The following MACROD2 variants were observed in gnomAD, a reference collection of about 807,000 sequenced individuals.
MACROD2 encodes mono-ADP ribosylhydrolase 2.
Under a neutral mutation model 70.4 loss-of-function variants are expected in MACROD2, and 36 were observed. That is an observed-to-expected ratio of 0.51 (90% CI 0.39 to 0.68). The LOEUF (loss-of-function observed/expected upper bound fraction) is 0.68, where lower values mean the gene tolerates loss of function less well. Among genes scored for constraint, MACROD2 ranks in the 30% least tolerant of loss-of-function variants. MACROD2 has a pLI of 0.00. For missense variants in MACROD2, 496 were observed against 538.4 expected, an observed-to-expected ratio of 0.92 and a Z score of 0.78; for synonymous variants, 172 against 178.8, an observed-to-expected ratio of 0.96 and a Z score of 0.30.
intron 3 of MACROD2, among the ~76,000 whole-genome samples, chr20:14,431,535 A>G (rs1050431163): frequency 9.2e-5 from 14 of 152,198 alleles, no homozygotes; most frequent in African/African-American, 3.1e-4. Context: ...CAGTTTTTAC[A>G]AGTAAAATTA....
intron 5 of MACROD2, among the ~76,000 whole-genome samples, chr20:15,136,762 A>G (rs2076151250): frequency 6.6e-6 from 1 of 152,198 alleles, no homozygotes; most frequent in Non-Finnish European, 1.5e-5. Context: ...AACTACCGTC[A>G]GAATGAACAG....
chr20:14,030,504 G>A (rs1041649954), intron 2 of MACROD2, among the ~76,000 whole-genome samples: 1 of 151,990 alleles, frequency 6.6e-6, no homozygotes, highest in Admixed American at 6.6e-5. Context: ...TGCCTCCCGG[G>A]TTCAAGCGAT....
chr20:14,911,957 A>G (rs1291529489), intron 5 of MACROD2, among the ~76,000 whole-genome samples: 1 of 152,192 alleles, frequency 6.6e-6, no homozygotes, highest in Non-Finnish European at 1.5e-5. Flanking sequence ...TCTAGAGCCC[A>G]TAATCTTGAC....
intron 5 of MACROD2, chr20:14,895,518 G>A (rs1023502017): frequency 2.0e-5 from 3 of 152,114 alleles, no homozygotes; most frequent in African/African-American, 7.2e-5. Context: ...TGTAGGGGTA[G>A]ATGGCTTTTG....
At chr20:15,393,828 C>T (rs1406097878) in intron 6 of MACROD2, among the ~76,000 whole-genome samples, 1 of 152,194 alleles carries the variant, frequency 6.6e-6, no homozygotes, top group Non-Finnish European at 1.5e-5. Context: ...TGCTCTCTCT[C>T]TCTGAGCATT....
In MACROD2 at chr20:14,215,333, T is replaced by TACAC. The variant is rs1208322168; in HGVS notation, c.271+129606_271+129607insCACA. Among the ~76,000 whole-genome samples, 12 of 96,384 alleles carry TACAC rather than the reference T, an allele frequency of 1.2e-4. No individual in the cohort carries two copies. The East Asian group carries it at 1.5e-3, about 12-fold the overall frequency. 63.2% of individuals were successfully genotyped at this position (96,384 alleles called of 152,430 possible). On this transcript the variant is annotated intron_variant, in intron 3 of 17. Transcript: ENST00000684519. ...TCCATCATATATATCTATGCCATCA[T>TACAC]ATATACACACACACACACACACACA...
At chr20:15,838,969 A>G (rs2064143064) in intron 8 of MACROD2, among the ~76,000 whole-genome samples, 1 of 152,158 alleles carries the variant, frequency 6.6e-6, no homozygotes, top group Admixed American at 6.6e-5. Context: ...GTGTATGCAT[A>G]TGTAAACTGT....
intron 5 of MACROD2, among the ~76,000 whole-genome samples, chr20:14,890,181 A>T (rs1177475018): frequency 6.6e-6 from 1 of 152,068 alleles, no homozygotes; most frequent in Non-Finnish European, 1.5e-5. Flanking sequence ...TGGAAGATAT[A>T]TAAGTCAGGA....
At chr20:15,937,391 G>C in intron 11 of MACROD2, 85 bp from the exon 12 acceptor site, 1 of 1,173,676 alleles carries the variant, frequency 8.5e-7, no homozygotes, top group East Asian at 2.4e-5. Context: ...TTGGTGGAGA[G>C]TGGAGGGAGG....
chr20:14,436,007 G>A (rs538225188), intron 3 of MACROD2, among the ~76,000 whole-genome samples: 21 of 152,204 alleles, frequency 1.4e-4, no homozygotes, highest in Non-Finnish European at 2.9e-4. Context: ...ATGCCTGGAT[G>A]AGAAGTCATT....
intron 3 of MACROD2, among the ~76,000 whole-genome samples, chr20:14,183,833 T>G (rs1387155019): frequency 6.6e-6 from 1 of 152,336 alleles, no homozygotes. Context: ...CATATATGTC[T>G]TCTTCTGAAA....
chr20:14,273,085 T>C (rs1265603184), intron 3 of MACROD2, among the ~76,000 whole-genome samples: 3 of 151,844 alleles, frequency 2.0e-5, no homozygotes, highest in African/African-American at 7.3e-5. Flanking sequence ...GACAGATCAA[T>C]GAGACAGAAA....
At chr20:14,405,881 ATGG>A (rs2083686032) in intron 3 of MACROD2, among the ~76,000 whole-genome samples, 1 of 152,162 alleles carries the variant, frequency 6.6e-6, no homozygotes, top group African/African-American at 2.4e-5. Flanking sequence ...TTACAGCACT[ATGG>A]TTTCAATTCA....
intron 12 of MACROD2, among the ~76,000 whole-genome samples, chr20:15,950,098 C>G (rs1189959259): frequency 2.0e-5 from 3 of 152,082 alleles, no homozygotes; most frequent in Non-Finnish European, 2.9e-5. Context: ...GGTGGTGTGT[C>G]TAGCCAATCT....
intron 15 of MACROD2, among the ~76,000 whole-genome samples, chr20:16,035,081 A>ATATT (rs2147594074): frequency 4.3e-5 from 1 of 23,386 alleles, no homozygotes; most frequent in East Asian, 2.4e-3. Flanking sequence ...AAAATATAAT[A>ATATT]TGTAATATAA....
intron 3 of MACROD2, among the ~76,000 whole-genome samples, chr20:14,224,917 C>T (rs1368310142): frequency 1.3e-5 from 2 of 152,200 alleles, no homozygotes; most frequent in East Asian, 3.9e-4. Flanking sequence ...ATACACTAGC[C>T]ATTCTACCTG....
At chr20:14,743,321 A>T (rs1392657853) in intron 5 of MACROD2, among the ~76,000 whole-genome samples, 1 of 152,116 alleles carries the variant, frequency 6.6e-6, no homozygotes, top group African/African-American at 2.4e-5. Flanking sequence ...GATGAAAGTT[A>T]AGGACCTTAA....
At chr20:15,588,401 TCA>T (rs1246404087) in intron 8 of MACROD2, among the ~76,000 whole-genome samples, 12 of 152,174 alleles carry the variant, frequency 7.9e-5, no homozygotes, top group African/African-American at 2.4e-4. Context: ...GACATTTTCC[TCA>T]CGGTCTTAGG....
At chr20:14,391,237 G>T (rs989386308) in intron 3 of MACROD2, among the ~76,000 whole-genome samples, 9 of 152,152 alleles carry the variant, frequency 5.9e-5, no homozygotes, top group Admixed American at 1.3e-4. Context: ...GCCCATCAAT[G>T]ATAGATTGGA....
Sources: allele counts gnomAD v4.1 joint callset (sites outside exome capture counted in the v4.1 genomes callset), GRCh38; gene constraint gnomAD v4.1.1; transcripts MANE v1.5; gene names NCBI Gene and HGNC (gene_info 2026-07-23, HGNC 2026-07-21).